Variants in CELF2 observed in about 807,000 individuals in gnomAD.
CELF2 encodes the protein CUG triplet repeat RNA-binding protein 2.
Under a neutral mutation model 62.6 loss-of-function variants are expected in CELF2, and 8 were observed. That is an observed-to-expected ratio of 0.13 (90% CI 0.07 to 0.23). CELF2 has a LOEUF of 0.23. Ranked by LOEUF, CELF2 falls within the 10% of genes least tolerant of loss-of-function variation. The probability of loss-of-function intolerance (pLI) is 1.00; values close to 1 mark genes in which losing one functional copy is unlikely to be tolerated. For missense variants in CELF2, 333 were observed against 671.0 expected, an observed-to-expected ratio of 0.50 and a Z score of 5.56; for synonymous variants, 258 against 250.0, an observed-to-expected ratio of 1.03 and a Z score of -0.30.
At chr10:11,271,988 T>A (rs1254817017) in intron 7 of CELF2, among the ~76,000 whole-genome samples, 1 of 152,190 alleles carries the variant, frequency 6.6e-6, no homozygotes, top group Non-Finnish European at 1.5e-5. Flanking sequence ...GCCCTGCGTG[T>A]CCCGCCGGCT....
chr10:10,598,610 TTA>T, the CELF2 span, among the ~76,000 whole-genome samples: 5 of 152,138 alleles, frequency 3.3e-5, no homozygotes, highest in Non-Finnish European at 7.4e-5. Flanking sequence ...TCTGTGCAGG[TTA>T]TTGTGTGCCT....
chr10:10,708,757 T>A, the CELF2 span, among the ~76,000 whole-genome samples: 1 of 152,150 alleles, frequency 6.6e-6, no homozygotes, highest in Non-Finnish European at 1.5e-5. Flanking sequence ...TACATACATA[T>A]ACGATTGAAA....
intron 1 of CELF2, among the ~76,000 whole-genome samples, chr10:11,085,872 G>A (rs1474363784): frequency 1.3e-5 from 2 of 151,898 alleles, no homozygotes; most frequent in Admixed American, 6.6e-5. Flanking sequence ...GCACTGCCCT[G>A]GATGAATCCA....
the CELF2 span, among the ~76,000 whole-genome samples, chr10:10,568,437 C>T: frequency 6.6e-6 from 1 of 152,162 alleles, no homozygotes; most frequent in Non-Finnish European, 1.5e-5. Context: ...TTGCTTATCA[C>T]CTATGGCTAC....
chr10:10,593,993 G>A, the CELF2 span, among the ~76,000 whole-genome samples: 1 of 152,154 alleles, frequency 6.6e-6, no homozygotes, highest in South Asian at 2.1e-4. Context: ...TGATGCATTA[G>A]CCATCATGAC....
the CELF2 span, among the ~76,000 whole-genome samples, chr10:10,707,244 G>A: frequency 6.6e-5 from 10 of 152,096 alleles, no homozygotes; most frequent in African/African-American, 1.4e-4. Context: ...TTACAATCAC[G>A]CAGTTTGACT....
the CELF2 span, among the ~76,000 whole-genome samples, chr10:10,762,397 T>C: frequency 6.6e-6 from 1 of 152,218 alleles, no homozygotes; most frequent in African/African-American, 2.4e-5. Context: ...GGAAGTCATT[T>C]GAGGCATGAC....
the CELF2 span, among the ~76,000 whole-genome samples, chr10:10,753,847 A>T: frequency 4.7e-4 from 72 of 152,312 alleles, no homozygotes; most frequent in East Asian, 0.013. Context: ...AGCAAAACCC[A>T]TGACATCTAG....
the CELF2 span, among the ~76,000 whole-genome samples, chr10:10,681,119 T>C: frequency 6.6e-6 from 1 of 152,138 alleles, no homozygotes; most frequent in African/African-American, 2.4e-5. Flanking sequence ...AGATGAAGAG[T>C]AGAACTGATG....
intron 1 of CELF2, among the ~76,000 whole-genome samples, chr10:11,042,258 G>A (rs1173804646): frequency 6.6e-6 from 1 of 152,226 alleles, no homozygotes; most frequent in East Asian, 1.9e-4. Flanking sequence ...AAGCCTGGCA[G>A]CACTGTTTTG....
At chr10:10,882,047 C>A (rs1051044232) in intron 1 of CELF2, among the ~76,000 whole-genome samples, 1 of 152,208 alleles carries the variant, frequency 6.6e-6, no homozygotes, top group Non-Finnish European at 1.5e-5. Flanking sequence ...GCAAAGCCAG[C>A]GGATTGCTAT....
At chr10:10,622,797 A>G in the CELF2 span, among the ~76,000 whole-genome samples, 1 of 152,230 alleles carries the variant, frequency 6.6e-6, no homozygotes. Flanking sequence ...GTGATAAACA[A>G]TACAATTGCA....
Position 11,321,338 on chromosome 10 carries a change from A to G in CELF2, c.1246A>G (p.Ser416Gly). The G allele has an allele frequency of 1.2e-6, 2 of 1,611,690 alleles. No individual in the cohort carries two copies. The highest frequency in any genetic ancestry group is 2.2e-5 in the South Asian group (2 of 91,086). ...AGCCGCCGCGCTGCCCACTCTGTAC[A>G]GCCAGAGCCTGCTGCAGCAGCAGAG... is the stretch of plus-strand genomic sequence containing the variant. Reference protein sequence around the residue: ...YAAAALPTLYSQSLLQQQSAA... With the variant: ...YAAAALPTLYGQSLLQQQSAA... The change falls in exon 11 of 13, where the codon AGC becomes GGC. Residue 416 changes from serine to glycine, a missense_variant. Coordinates refer to ENST00000633077, the MANE Select transcript of CELF2 (RefSeq NM_001326342.2). This position sits in a 1 kb window ranked among gnomAD's most constrained non-coding sequence, Gnocchi z 6.2.
chr10:11,057,349 C>T (rs982166691), intron 1 of CELF2, among the ~76,000 whole-genome samples: 13 of 152,140 alleles, frequency 8.5e-5, no homozygotes, highest in African/African-American at 2.7e-4. Context: ...TAGCATGACC[C>T]GTGCCAGAGG....
chr10:10,486,973 C>T, the CELF2 span, among the ~76,000 whole-genome samples: 35 of 152,208 alleles, frequency 2.3e-4, no homozygotes, highest in African/African-American at 7.9e-4. Flanking sequence ...CTCTTCATTC[C>T]CCTAGTATAA....
At chr10:10,876,456 T>C (rs1029756745) in intron 1 of CELF2, among the ~76,000 whole-genome samples, 1 of 152,308 alleles carries the variant, frequency 6.6e-6, no homozygotes, top group South Asian at 2.1e-4. Flanking sequence ...ATCAGAATTA[T>C]GTACATAATA....
chr10:10,745,128 C>A, the CELF2 span, among the ~76,000 whole-genome samples: 446 of 98,278 alleles, frequency 4.5e-3, 2 homozygotes, highest in East Asian at 0.019. Flanking sequence ...AAAAAAAAAA[C>A]AAAACAAAAA....
chr10:10,803,815 G>A (rs145190999), intron 1 of CELF2, among the ~76,000 whole-genome samples: 4 of 152,172 alleles, frequency 2.6e-5, no homozygotes, highest in African/African-American at 7.2e-5. Context: ...CCTAGCACAC[G>A]ACAATGAATG....
intron 2 of CELF2, among the ~76,000 whole-genome samples, chr10:10,962,265 GAC>G (rs1033328117): frequency 3.3e-5 from 5 of 152,216 alleles, no homozygotes; most frequent in African/African-American, 1.2e-4. Context: ...AGAGGTTTCA[GAC>G]AAAACCAAAT....
Sources: allele counts gnomAD v4.1 joint callset (sites outside exome capture counted in the v4.1 genomes callset), GRCh38; gene constraint gnomAD v4.1.1; non-coding constraint Gnocchi (gnomAD v3.1); transcripts MANE v1.5; gene names NCBI Gene and HGNC (gene_info 2026-07-23, HGNC 2026-07-21).